The following FAM151B variants were observed in gnomAD, a reference collection of about 807,000 sequenced individuals.
The protein encoded by FAM151B is protein FAM151B.
FAM151B carries 24 observed loss-of-function variants against 31.2 expected under a neutral mutation model. The observed-to-expected ratio is 0.77, with a 90% CI of 0.56 to 1.08. The LOEUF is 1.08. Ranked by LOEUF, FAM151B falls within the 50% of genes least tolerant of loss-of-function variation. FAM151B has a pLI of 0.00. For missense variants in FAM151B, 293 were observed against 328.6 expected (o/e 0.89, Z 0.84); for synonymous variants, 105 against 111.4 (o/e 0.94, Z 0.36).
intron 1 of FAM151B, among the ~76,000 whole-genome samples, chr5:80,494,472 C>CTTTCTTTCTTTCTTTA (rs1561359221): frequency 7.5e-4 from 66 of 87,650 alleles, no homozygotes; most frequent in African/African-American, 2.5e-3. Context: ...TTCTTTCTTT[C>CTTTCTTTCTTTCTTTA]TTTCTTTCTT....
chr5:80,521,924 T>TC, intron 4 of FAM151B, 79 bp from the exon 5 acceptor site: 1 of 1,012,622 alleles, frequency 9.9e-7, no homozygotes, highest in Non-Finnish European at 1.4e-6. Flanking sequence ...TTTACCTAAT[T>TC]ATAGGTAATT....
chr5:80,505,054 T>G (rs1743899869), intron 2 of FAM151B, among the ~76,000 whole-genome samples: 1 of 152,238 alleles, frequency 6.6e-6, no homozygotes, highest in African/African-American at 2.4e-5. Flanking sequence ...TTCACATGGT[T>G]GAAGAATTCC....
At chr5:80,540,206 C>T (rs2112686281) in intron 5 of FAM151B, among the ~76,000 whole-genome samples, 1 of 152,306 alleles carries the variant, frequency 6.6e-6, no homozygotes, top group South Asian at 2.1e-4. Context: ...TCTCCTCAGC[C>T]TCCTTCACTC....
At chr5:80,534,298 CATT>C in intron 5 of FAM151B, among the ~76,000 whole-genome samples, 1 of 151,414 alleles carries the variant, frequency 6.6e-6, no homozygotes, top group East Asian at 1.9e-4. Flanking sequence ...GACAAAGACA[CATT>C]AAAAAAAAAA....
At chr5:80,517,852 A>C (rs533831173) in intron 3 of FAM151B, among the ~76,000 whole-genome samples, 1 of 152,176 alleles carries the variant, frequency 6.6e-6, no homozygotes, top group African/African-American at 2.4e-5. Context: ...CAGGTGGATC[A>C]CTTGAGGTCA....
At chr5:80,488,963 A>G (rs1743212914) in intron 1 of FAM151B, among the ~76,000 whole-genome samples, 1 of 152,170 alleles carries the variant, frequency 6.6e-6, no homozygotes, top group Admixed American at 6.5e-5. Flanking sequence ...GCTGATACCC[A>G]CAGGCACCAC....
chr5:80,494,476 C>CTTTCTTTCTTTCTTTA (rs1561359252), intron 1 of FAM151B, among the ~76,000 whole-genome samples: 58 of 126,644 alleles, frequency 4.6e-4, no homozygotes, highest in African/African-American at 1.6e-3. Flanking sequence ...TTCTTTCTTT[C>CTTTCTTTCTTTCTTTA]TTTCTTTCTT....
chr5:80,523,040 G>A (rs1251020596), intron 5 of FAM151B, among the ~76,000 whole-genome samples: 1 of 152,116 alleles, frequency 6.6e-6, no homozygotes. Context: ...GAAAAACAAT[G>A]CTGACACCTT....
chr5:80,494,468 C>CTTTCTTTCTTTCTTTCTTTCTTTA (rs1743445283), intron 1 of FAM151B, among the ~76,000 whole-genome samples: 5 of 43,630 alleles, frequency 1.1e-4, no homozygotes, highest in African/African-American at 4.1e-4. Flanking sequence ...TTCTTTCTTT[C>CTTTCTTTCTTTCTTTCTTTCTTTA]TTTCTTTCTT....
rs1208951812 is a variant in FAM151B at position 80,542,406 on chromosome 5, TTTTTA to T, written c.*576_*580del. ...GAAGCATGCTAGTGGCTAAGTGTTT[TTTTTA>T]TATTTCTTATTTCTATAGTATCTGA... On this transcript the variant is annotated 3_prime_UTR_variant, in exon 6 of 6. Coordinates refer to ENST00000282226, the MANE Select transcript of FAM151B (RefSeq NM_205548.3). 2 of 152,232 alleles carry T rather than the reference TTTTTA, an allele frequency of 1.3e-5. No homozygotes were observed. Among genetic ancestry groups the T allele is most frequent in the African/African-American group, 2.4e-5 (1 of 41,424 alleles). 9.4% of individuals were successfully genotyped at this position (152,232 alleles called of 1,614,324 possible).
At chr5:80,531,601 A>G (rs1034420306) in intron 5 of FAM151B, among the ~76,000 whole-genome samples, 2 of 152,230 alleles carry the variant, frequency 1.3e-5, no homozygotes, top group African/African-American at 4.8e-5. Context: ...ACCTCTCAGA[A>G]GCAGACATTT....
chr5:80,521,790 G>A (rs767726700), intron 4 of FAM151B, among the ~76,000 whole-genome samples: 7 of 151,934 alleles, frequency 4.6e-5, no homozygotes, highest in Non-Finnish European at 1.0e-4. Flanking sequence ...TTTGCTCTAG[G>A]TCACTTGTGG....
intron 5 of FAM151B, among the ~76,000 whole-genome samples, chr5:80,533,071 T>C (rs1426732686): frequency 6.6e-6 from 1 of 152,056 alleles, no homozygotes; most frequent in Non-Finnish European, 1.5e-5. Context: ...AACCTAACAG[T>C]GCATCTTAAA....
chr5:80,537,766 T>G (rs768404273), intron 5 of FAM151B, among the ~76,000 whole-genome samples: 12 of 152,154 alleles, frequency 7.9e-5, no homozygotes, highest in Non-Finnish European at 1.3e-4. Context: ...GAATGGATAT[T>G]GGAGTAAAAC....
At chr5:80,512,297 C>T (rs1744222688) in intron 2 of FAM151B, among the ~76,000 whole-genome samples, 1 of 152,178 alleles carries the variant, frequency 6.6e-6, no homozygotes, top group African/African-American at 2.4e-5. Flanking sequence ...TTTCAGATGA[C>T]TGCAGTTATT....
chr5:80,521,594 C>T (rs1345347281), intron 4 of FAM151B, among the ~76,000 whole-genome samples: 1 of 152,042 alleles, frequency 6.6e-6, no homozygotes, highest in Non-Finnish European at 1.5e-5. Flanking sequence ...CCAAAGCAAC[C>T]TTTCTTGGAA....
Position 80,538,745 on chromosome 5 carries a change from C to T in FAM151B, c.672-2928C>T, listed in dbSNP as rs62366861. Among the ~76,000 whole-genome samples the T allele has an allele frequency of 5.6e-3, 853 of 151,236 alleles. 5 individuals are homozygous for T. The highest frequency in any genetic ancestry group is 0.019 in the African/African-American group (798 of 41,252). Reference sequence around the variant, plus strand: ...CCCAGTAGCTGGGATTACAGGCACCCGCCACCATACCCAGCTAATTTTTTT... The same window carrying T: ...CCCAGTAGCTGGGATTACAGGCACCTGCCACCATACCCAGCTAATTTTTTT... On this transcript the variant is annotated intron_variant, in intron 5 of 5. Transcript: ENST00000282226.
At chr5:80,525,086 C>T (rs1022766399) in intron 5 of FAM151B, among the ~76,000 whole-genome samples, 17 of 152,222 alleles carry the variant, frequency 1.1e-4, no homozygotes, top group South Asian at 6.2e-4. Context: ...AAGCAAAGAG[C>T]CTTAGAGATT....
intron 5 of FAM151B, 116 bp downstream of exon 5, chr5:80,522,254 G>T: frequency 8.9e-7 from 1 of 1,120,360 alleles, no homozygotes; most frequent in Non-Finnish European, 1.3e-6. Context: ...GACAGAAAAG[G>T]AATGAAAACT....
Sources: gnomAD v4.1 joint callset for allele counts (sites outside exome capture counted in the v4.1 genomes callset) on GRCh38, gnomAD v4.1.1 for gene constraint, MANE v1.5 for transcripts, NCBI Gene and HGNC (gene_info 2026-07-23, HGNC 2026-07-21) for gene names.